Variants in ENPP2 observed in about 807,000 individuals in gnomAD.
ENPP2 encodes autotaxin.
ENPP2 carries 51 observed loss-of-function variants against 120.2 expected under a neutral mutation model. The observed-to-expected ratio is 0.42, with a 90% CI of 0.34 to 0.54. The LOEUF (loss-of-function observed/expected upper bound fraction) is 0.54. Among genes scored for constraint, ENPP2 ranks in the 20% least tolerant of loss-of-function variants. The pLI is 0.04. For missense variants in ENPP2, 920 were observed against 1,066.5 expected, an observed-to-expected ratio of 0.86 and a Z score of 1.91; for synonymous variants, 365 against 366.4, an observed-to-expected ratio of 1.00 and a Z score of 0.04.
intron 1 of ENPP2, among the ~76,000 whole-genome samples, chr8:119,654,014 T>C (rs1014965354): frequency 4.8e-5 from 7 of 146,550 alleles, no homozygotes; most frequent in African/African-American, 1.7e-4. Context: ...TTAAATATAT[T>C]ATATATGTAT....
chr8:119,594,638 C>T (rs1219633976), intron 11 of ENPP2, among the ~76,000 whole-genome samples: 2 of 152,210 alleles, frequency 1.3e-5, no homozygotes, highest in South Asian at 2.1e-4. Context: ...TTTCTAACAG[C>T]ATGAATGTCC....
intron 2 of ENPP2, among the ~76,000 whole-genome samples, chr8:119,635,877 C>T (rs1378606968): frequency 6.6e-6 from 1 of 152,090 alleles, no homozygotes; most frequent in Non-Finnish European, 1.5e-5. Context: ...AAACTAACAC[C>T]CCAGTCCATA....
At chr8:119,646,291 T>C (rs1817465421) in intron 1 of ENPP2, among the ~76,000 whole-genome samples, 1 of 152,148 alleles carries the variant, frequency 6.6e-6, no homozygotes, top group East Asian at 1.9e-4. Context: ...ACTTAAAACT[T>C]TTCTGTTTGG....
chr8:119,658,123 T>A (rs907381528), intron 1 of ENPP2, among the ~76,000 whole-genome samples: 7 of 152,252 alleles, frequency 4.6e-5, no homozygotes, highest in African/African-American at 1.7e-4. Context: ...TAATAACACG[T>A]AATATTGATT....
chr8:119,636,025 C>A (rs1816978689), intron 2 of ENPP2, among the ~76,000 whole-genome samples: 1 of 152,300 alleles, frequency 6.6e-6, no homozygotes. Context: ...AGCCATATAT[C>A]AATACCCTTT....
At chr8:119,654,573 G>A (rs1199050414) in intron 1 of ENPP2, among the ~76,000 whole-genome samples, 7 of 150,678 alleles carry the variant, frequency 4.6e-5, no homozygotes, top group African/African-American at 1.5e-4. Context: ...TACAACTCCT[G>A]GCCTCAAGCA....
chr8:119,562,422 G>A (rs1034849295), intron 24 of ENPP2, among the ~76,000 whole-genome samples: 3 of 152,268 alleles, frequency 2.0e-5, no homozygotes, highest in Middle Eastern at 6.8e-3. Context: ...CAGCCTGGGC[G>A]ACAGAGCTAA....
rs960861750 is a variant in ENPP2, at chr8:119,622,031, C to A, written c.293-512G>T. Among the ~76,000 whole-genome samples, 3 of 152,140 alleles carry A rather than the reference C, an allele frequency of 2.0e-5. No individual in the cohort carries two copies. The East Asian group carries it at 5.8e-4, about 29-fold the overall frequency. Reference sequence around the variant, plus strand: ...GTAACCTCCGCCTCCCTGGTTCAAGCGATTATCCCGCCTCAGCCTCCTGAG... The same window carrying A: ...GTAACCTCCGCCTCCCTGGTTCAAGAGATTATCCCGCCTCAGCCTCCTGAG... On this transcript the variant is annotated intron_variant, in intron 3 of 24. Coordinates refer to ENST00000075322, the MANE Select transcript of ENPP2 (RefSeq NM_001040092.3).
At chr8:119,582,932 T>C (rs981682720) in intron 17 of ENPP2, among the ~76,000 whole-genome samples, 7 of 152,212 alleles carry the variant, frequency 4.6e-5, no homozygotes, top group South Asian at 4.1e-4. Context: ...GGGTGATCAA[T>C]GTCAGTATCA....
chr8:119,578,029 TTGTG>T (rs1013188372), intron 19 of ENPP2, among the ~76,000 whole-genome samples: 2 of 152,002 alleles, frequency 1.3e-5, no homozygotes, highest in Non-Finnish European at 2.9e-5. Flanking sequence ...TTTGAGGTGA[TTGTG>T]TGTGTTTTTT....
intron 9 of ENPP2, among the ~76,000 whole-genome samples, chr8:119,604,012 CTTT>C (rs35136821): frequency 0.46 from 62,580 of 136,478 alleles, 14,175 homozygotes; most frequent in South Asian, 0.65. Flanking sequence ...CAATCTCTCT[CTTT>C]TTTTTTTTTT....
chr8:119,626,495 G>A, intron 3 of ENPP2, 70 bp downstream of exon 3: 1 of 1,321,438 alleles, frequency 7.6e-7, no homozygotes, highest in Non-Finnish European at 1.1e-6. Flanking sequence ...GGCCACTCCA[G>A]GATGCATACA....
chr8:119,650,564 A>G (rs1338077995), intron 1 of ENPP2, among the ~76,000 whole-genome samples: 1 of 152,230 alleles, frequency 6.6e-6, no homozygotes, highest in Non-Finnish European at 1.5e-5. Flanking sequence ...ATGCACAGAA[A>G]AGGAACATTA....
At chr8:119,642,337 T>G (rs1817307955), upstream of ENPP2, among the ~76,000 whole-genome samples, 2 of 152,226 alleles carry the variant, frequency 1.3e-5, no homozygotes, top group African/African-American at 4.8e-5. Context: ...GAATTATTTG[T>G]TTACTGACAT....
chr8:119,558,951 G>A (rs1813699275), intron 24 of ENPP2, among the ~76,000 whole-genome samples: 1 of 152,200 alleles, frequency 6.6e-6, no homozygotes, highest in African/African-American at 2.4e-5. Context: ...ACAGGGAACT[G>A]CAGCAGCTTG....
chr8:119,668,226 G>A (rs1216259591), intron 1 of ENPP2, among the ~76,000 whole-genome samples: 1 of 151,980 alleles, frequency 6.6e-6, no homozygotes, highest in Non-Finnish European at 1.5e-5. Context: ...CTTCAGCACT[G>A]TTGTCTCCAA....
intron 11 of ENPP2, among the ~76,000 whole-genome samples, chr8:119,595,021 TG>T (rs1813789753): frequency 6.6e-6 from 1 of 152,228 alleles, no homozygotes; most frequent in African/African-American, 2.4e-5. Flanking sequence ...CAGAAAGACA[TG>T]TGCAGAATAA....
intron 12 of ENPP2, chr8:119,592,949 GTC>G: frequency 1.0e-6 from 1 of 975,736 alleles, no homozygotes; most frequent in South Asian, 4.8e-5. Flanking sequence ...CTGCCAAAGA[GTC>G]AGCCAATTTT....
chr8:119,567,232 A>G (rs1360750975), intron 22 of ENPP2, among the ~76,000 whole-genome samples: 1 of 152,234 alleles, frequency 6.6e-6, no homozygotes, highest in Non-Finnish European at 1.5e-5. Context: ...TGCTTACTCT[A>G]TCTTTGAACA....
Sources: allele counts gnomAD v4.1 joint callset (sites outside exome capture counted in the v4.1 genomes callset), GRCh38; gene constraint gnomAD v4.1.1; transcripts MANE v1.5; gene names NCBI Gene and HGNC (gene_info 2026-07-23, HGNC 2026-07-21).